The following OLFM2 variants were observed in gnomAD, a reference collection of about 807,000 sequenced individuals.
OLFM2 encodes the protein noelin-2.
Under a neutral mutation model 43.9 loss-of-function variants are expected in OLFM2, and 20 were observed. The ratio of observed to expected loss-of-function variants is 0.46; its 90% CI spans 0.32 to 0.66. OLFM2 has a LOEUF of 0.66. Among genes scored for constraint, OLFM2 ranks in the 30% least tolerant of loss-of-function variants. The probability of loss-of-function intolerance (pLI) is 0.04; values close to 1 mark genes in which losing one functional copy is unlikely to be tolerated. For synonymous variants in OLFM2, 268 were observed against 278.6 expected, an observed-to-expected ratio of 0.96 and a Z score of 0.38; for missense variants, 416 against 643.6, an observed-to-expected ratio of 0.65 and a Z score of 3.83.
chr19:9,881,111 G>T (rs936815550), intron 1 of OLFM2, among the ~76,000 whole-genome samples: 3 of 152,086 alleles, frequency 2.0e-5, no homozygotes, highest in Non-Finnish European at 4.4e-5. Context: ...TTGGCCAGCT[G>T]GCCTCAAACT....
chr19:9,861,989 C>T (rs2046367913), intron 1 of OLFM2, among the ~76,000 whole-genome samples: 1 of 150,398 alleles, frequency 6.6e-6, no homozygotes, highest in African/African-American at 2.5e-5. Context: ...CACTGCGCTC[C>T]AGCCTGGGCG....
At position 9,880,520 on chromosome 19, in the gene OLFM2, C is replaced by T. The variant is rs528296011; in HGVS notation, c.64-19726G>A. Among the ~76,000 whole-genome samples the T allele has an allele frequency of 5.5e-4, 84 of 152,196 alleles. 1 individual carries two copies. In the South Asian group the frequency reaches 7.5e-3, roughly 14 times the overall value. On this transcript the variant is annotated intron_variant, in intron 1 of 5. Coordinates refer to ENST00000264833, the MANE Select transcript of OLFM2 (RefSeq NM_058164.4). Reference sequence around the variant, plus strand: ...GCTAAGGTGGGAGGATCACTTGTGACCAGGTGTTTGAGGTTGCAGTGAGCT... The same window carrying T: ...GCTAAGGTGGGAGGATCACTTGTGATCAGGTGTTTGAGGTTGCAGTGAGCT...
intron 1 of OLFM2, among the ~76,000 whole-genome samples, chr19:9,934,456 ACT>A (rs1014228881): frequency 2.4e-4 from 37 of 151,740 alleles, no homozygotes; most frequent in Non-Finnish European, 4.4e-4. Flanking sequence ...CTGGCAGCAA[ACT>A]CTGGCATCCT....
intron 1 of OLFM2, among the ~76,000 whole-genome samples, chr19:9,887,290 T>C (rs534368099): frequency 6.6e-6 from 1 of 152,130 alleles, no homozygotes; most frequent in South Asian, 2.1e-4. Flanking sequence ...GCGATTCTCC[T>C]GCCTCAGCCT....
In OLFM2 at chr19:9,857,295, T is replaced by C; in HGVS notation, c.548A>G (p.Glu183Gly). ...EDLQQRVMAL[E>G]ARLHACAQKL... ...CTGGGCGCAGGCGTGGAGCCGGGCC[T>C]CCAGGGCCATCACCCGTTGCTGCAG... The change falls in exon 4 of 6, where the codon GAG becomes GGG. Residue 183 changes from glutamate to glycine, a missense_variant. By Grantham distance (98) the Glu-to-Gly change is moderately conservative. Coordinates refer to ENST00000264833, the MANE Select transcript of OLFM2 (RefSeq NM_058164.4). The surrounding 1 kb of genome is among the most constrained non-coding windows in gnomAD (Gnocchi z 5.7). The C allele has an allele frequency of 1.9e-6, 3 of 1,614,096 alleles. No homozygotes were observed. The highest frequency in any genetic ancestry group is 2.5e-6 in the Non-Finnish European group (3 of 1,180,014).
At chr19:9,884,352 C>T (rs375234895) in intron 1 of OLFM2, among the ~76,000 whole-genome samples, 7 of 150,674 alleles carry the variant, frequency 4.6e-5, no homozygotes, top group Non-Finnish European at 7.4e-5. Context: ...CTGAGGCAGG[C>T]GGATCACAAG....
intron 1 of OLFM2, among the ~76,000 whole-genome samples, chr19:9,881,963 G>A (rs1185703522): frequency 6.6e-6 from 1 of 152,242 alleles, no homozygotes; most frequent in African/African-American, 2.4e-5. Context: ...TGGGCGTGGT[G>A]GCTCACGCCT....
Position 9,860,699 on chromosome 19 carries a change from C to T in OLFM2, c.159G>A (p.Gln53=). The T allele has an allele frequency of 5.0e-6, 8 of 1,603,896 alleles. No individual in the cohort carries two copies. The highest frequency in any genetic ancestry group is 6.8e-6 in the Non-Finnish European group (8 of 1,175,184). ...KCICTAVIPA[Q]STCSRDGRSR... ...TCCTGCCATCTCGAGAGCAGGTACT[C>T]TGCGCTGGGATCACGGCCGTGCAGA... Residue 53 remains glutamine (Q), a synonymous_variant, in exon 2 of 6, where the codon CAG becomes CAA. Coordinates refer to ENST00000264833, the MANE Select transcript of OLFM2 (RefSeq NM_058164.4).
intron 1 of OLFM2, among the ~76,000 whole-genome samples, chr19:9,904,583 G>A (rs2046769395): frequency 1.3e-5 from 2 of 152,134 alleles, no homozygotes; most frequent in South Asian, 2.1e-4. Flanking sequence ...CCTGTGTGTA[G>A]TGTGAAGGGG....
In OLFM2 at chr19:9,856,832, G is replaced by A. The variant is rs765709927; in HGVS notation, c.662C>T (p.Thr221Met). ...CCGGCTATCCGCACTGGGGGCCATC[G>A]TGTCAGTCATCCAGGAGCCGAAGCG... The part of the protein sequence containing the change: ...GSRFGSWMTD[T>M]MAPSADSRVW... Residue 221 changes from threonine (T) to methionine (M), a missense_variant, in exon 5 of 6, where the codon ACG becomes ATG. By Grantham distance (81) the Thr-to-Met change is moderately conservative. Transcript: ENST00000264833. This position sits in a 1 kb window ranked among gnomAD's most constrained non-coding sequence, Gnocchi z 4.0. The A allele has an allele frequency of 3.7e-6, 6 of 1,613,554 alleles. No homozygotes were observed. The highest frequency in any genetic ancestry group is 2.7e-5 in the African/African-American group (2 of 74,926).
At chr19:9,916,267 G>A (rs1340110268) in intron 1 of OLFM2, among the ~76,000 whole-genome samples, 2 of 152,124 alleles carry the variant, frequency 1.3e-5, no homozygotes, top group Non-Finnish European at 2.9e-5. Context: ...TGAGGTGGGA[G>A]AATTGCTTGA....
intron 1 of OLFM2, among the ~76,000 whole-genome samples, chr19:9,872,134 A>G (rs16996255): frequency 0.19 from 29,330 of 152,076 alleles, 3,229 homozygotes; most frequent in South Asian, 0.27. Context: ...TCCCTTTGGA[A>G]AGCTTGAGAT....
At chr19:9,920,518 G>T (rs920135354) in intron 1 of OLFM2, among the ~76,000 whole-genome samples, 1 of 152,034 alleles carries the variant, frequency 6.6e-6, no homozygotes, top group African/African-American at 2.4e-5. Context: ...AGCTAATCCT[G>T]ATGCAGAAAT....
intron 1 of OLFM2, among the ~76,000 whole-genome samples, chr19:9,871,276 A>AG (rs978770885): frequency 2.5e-4 from 38 of 150,536 alleles, no homozygotes; most frequent in Non-Finnish European, 4.0e-4. Flanking sequence ...GTCTAAAAAA[A>AG]AAAATTATAT....
At chr19:9,933,462 T>G (rs2086496406) in intron 1 of OLFM2, among the ~76,000 whole-genome samples, 1 of 151,504 alleles carries the variant, frequency 6.6e-6, no homozygotes, top group Admixed American at 6.6e-5. Context: ...GGTCTCAAAC[T>G]CCTGACCTCA....
chr19:9,922,407 C>T (rs1043253610), intron 1 of OLFM2, among the ~76,000 whole-genome samples: 3 of 152,054 alleles, frequency 2.0e-5, no homozygotes, highest in Non-Finnish European at 4.4e-5. Flanking sequence ...TGCAAAGGCA[C>T]TTAATTCATC....
At chr19:9,929,678 A>G (rs1301414550) in intron 1 of OLFM2, among the ~76,000 whole-genome samples, 1 of 152,126 alleles carries the variant, frequency 6.6e-6, no homozygotes, top group East Asian at 1.9e-4. Flanking sequence ...ACTGTCTCTC[A>G]GGCACTAACA....
chr19:9,921,116 T>G (rs1026919613), intron 1 of OLFM2, among the ~76,000 whole-genome samples: 1 of 152,070 alleles, frequency 6.6e-6, no homozygotes, highest in African/African-American at 2.4e-5. Flanking sequence ...GTTTTGGGAT[T>G]TTGTTGTTGT....
chr19:9,858,947 C>T (rs920649038), intron 2 of OLFM2, among the ~76,000 whole-genome samples: 1 of 151,984 alleles, frequency 6.6e-6, no homozygotes, highest in Non-Finnish European at 1.5e-5. Flanking sequence ...TAGACCCTCA[C>T]CTGGCTAAGG....
Sources: allele counts gnomAD v4.1 joint callset (sites outside exome capture counted in the v4.1 genomes callset), GRCh38; gene constraint gnomAD v4.1.1; non-coding constraint Gnocchi (gnomAD v3.1); transcripts MANE v1.5; gene names NCBI Gene and HGNC (gene_info 2026-07-23, HGNC 2026-07-21).